Variants in ZDHHC5 observed in about 807,000 individuals in gnomAD.
ZDHHC5 encodes the protein zDHHC palmitoyltransferase 5, also known as palmitoyltransferase ZDHHC5.
In ZDHHC5, 22 loss-of-function variants were observed where a neutral mutation model predicts 70.0. That is an observed-to-expected ratio of 0.31 (90% CI 0.22 to 0.45). The LOEUF (loss-of-function observed/expected upper bound fraction) is 0.45. Among genes scored for constraint, ZDHHC5 ranks in the 20% least tolerant of loss-of-function variants. The pLI, the probability that ZDHHC5 is intolerant of heterozygous loss-of-function variation, is 1.00. For missense variants in ZDHHC5, 746 were observed against 926.9 expected (o/e 0.80, Z 2.53); for synonymous variants, 313 against 347.8 (o/e 0.90, Z 1.11).
rs1161031116 is a variant in ZDHHC5 at position 57,673,097 on chromosome 11, G to A, written c.7G>A (p.Ala3Thr). The A allele has an allele frequency of 9.9e-6, 16 of 1,613,738 alleles. No homozygotes were observed. Among genetic ancestry groups the A allele is most frequent in the African/African-American group, 1.3e-5 (1 of 75,016 alleles). MP[A>T]ESGKRFKPSK... is the part of the protein sequence containing the mutation. ...TTCCCATCAGAGCTCCAACATGCCC[G>A]CAGAGTCTGGAAAGAGATTCAAACC... Residue 3 changes from alanine to threonine, a missense_variant, in exon 2 of 12, where the codon GCA becomes ACA. Around this residue, in one of 6 missense-constraint regions of ZDHHC5, gnomAD observed 89 missense variants for 130.7 expected, o/e 0.68. Coordinates refer to ENST00000287169, the MANE Select transcript of ZDHHC5 (RefSeq NM_015457.3).
Position 57,672,387 on chromosome 11 carries a change from C to T in ZDHHC5, c.-704C>T. The stretch of plus-strand genomic sequence containing the variant: ...AGAACAGCTGTTGTCCAGCTTTAGC[C>T]ATCAAGAGAGAAATAAATTAAACCA... On this transcript the variant is annotated 5_prime_UTR_variant, in exon 2 of 12. Coordinates refer to ENST00000287169, the MANE Select transcript of ZDHHC5 (RefSeq NM_015457.3). 2.5e-6 allele frequency: 1 copy of T among 394,386 alleles called. No individual in the cohort carries two copies. The highest frequency in any genetic ancestry group is 2.1e-5 in the African/African-American group (1 of 48,666). The allele number at this position is 394,386 out of a possible 1,614,324, so 24.4% of individuals were successfully genotyped here.
intron 7 of ZDHHC5, among the ~76,000 whole-genome samples, chr11:57,693,230 C>T (rs1170738573): frequency 6.6e-6 from 1 of 152,130 alleles, no homozygotes; most frequent in African/African-American, 2.4e-5. Context: ...TTGCCTGAAC[C>T]CAGGAGGCAG....
chr11:57,688,834 G>A (rs1946245039), intron 4 of ZDHHC5, among the ~76,000 whole-genome samples, 169 bp downstream of exon 4: 1 of 152,242 alleles, frequency 6.6e-6, no homozygotes, highest in African/African-American at 2.4e-5. Flanking sequence ...GAGAGGCAGA[G>A]CATAAATATT....
chr11:57,681,756 C>G (rs1337729622), intron 2 of ZDHHC5: 1 of 152,146 alleles, frequency 6.6e-6, no homozygotes, highest in African/African-American at 2.4e-5. Flanking sequence ...GTCTGATAGT[C>G]TCTATCCTCC....
chr11:57,699,910 A>G lies in ZDHHC5; in HGVS notation c.2027A>G (p.Gln676Arg), dbSNP rs766828692. ...LKTTYSKSNG[Q>R]PKSLGSASPG... Reference sequence around the variant, plus strand: ...ACCACCTACAGCAAATCCAACGGGCAGCCCAAGAGCTTAGGCTCAGCCTCC... The same window carrying G: ...ACCACCTACAGCAAATCCAACGGGCGGCCCAAGAGCTTAGGCTCAGCCTCC... Residue 676 changes from glutamine (Q) to arginine (R), a missense_variant, in exon 12 of 12, where the codon CAG becomes CGG. Coordinates refer to ENST00000287169, the MANE Select transcript of ZDHHC5 (RefSeq NM_015457.3). 17 of 1,614,148 alleles carry G rather than the reference A, an allele frequency of 1.1e-5. 1 individual carries two copies. The African/African-American group carries it at 2.3e-4, about 22-fold the overall frequency.
At chr11:57,691,603 C>G (rs1015854979) in intron 6 of ZDHHC5, among the ~76,000 whole-genome samples, 1 of 152,138 alleles carries the variant, frequency 6.6e-6, no homozygotes, top group African/African-American at 2.4e-5. Context: ...CAAACTGAAA[C>G]TAGACAATAT....
At chr11:57,692,590 G>A (rs781139068) in intron 6 of ZDHHC5, 21 bp from the exon 7 acceptor site, 3 of 1,610,722 alleles carry the variant, frequency 1.9e-6, no homozygotes, top group South Asian at 2.2e-5. Context: ...TTCTAACCTG[G>A]TATTTTTTTT....
intron 1 of ZDHHC5, among the ~76,000 whole-genome samples, chr11:57,668,988 A>G (rs1945964552): frequency 6.6e-6 from 1 of 152,204 alleles, no homozygotes; most frequent in African/African-American, 2.4e-5. Context: ...TGGATTCTTC[A>G]CTTCCTGGTT....
intron 3 of ZDHHC5, 113 bp from the exon 4 acceptor site, chr11:57,688,395 C>T (rs1453532167): frequency 2.5e-6 from 3 of 1,220,628 alleles, no homozygotes; most frequent in African/African-American, 3.1e-5. Context: ...TAGTCTCACT[C>T]ATTAGACTGT....
At chr11:57,669,209 A>G (rs757377175) in intron 1 of ZDHHC5, among the ~76,000 whole-genome samples, 15 of 152,224 alleles carry the variant, frequency 9.9e-5, no homozygotes, top group South Asian at 6.2e-4. Context: ...CCATACCTTG[A>G]CATGTGAATT....
At chr11:57,684,267 G>A (rs528472152) in intron 3 of ZDHHC5, among the ~76,000 whole-genome samples, 3 of 152,236 alleles carry the variant, frequency 2.0e-5, no homozygotes, top group East Asian at 1.9e-4. Flanking sequence ...GAGCCACCGC[G>A]CCTGGCCCAA....
At chr11:57,676,909 A>ATTTTTTTTTTTTTT (rs72474322) in intron 2 of ZDHHC5, among the ~76,000 whole-genome samples, 1 of 80,982 alleles carries the variant, frequency 1.2e-5, no homozygotes, top group African/African-American at 5.2e-5. Flanking sequence ...GCTTCACGTG[A>ATTTTTTTTTTTTTT]TTTTTTTTTT....
chr11:57,687,573 GA>G (rs928730091), intron 3 of ZDHHC5, among the ~76,000 whole-genome samples: 15 of 147,694 alleles, frequency 1.0e-4, no homozygotes, highest in Non-Finnish European at 1.9e-4. Flanking sequence ...TCCGTCTCAA[GA>G]AAAAAAAAAT....
rs369629295 is a variant in ZDHHC5 at position 57,695,904 on chromosome 11, C to G, written c.886-16C>G. The G allele has an allele frequency of 3.1e-6, 5 of 1,608,314 alleles. No individual in the cohort carries two copies. The Admixed American group carries it at 6.9e-5, about 22-fold the overall frequency. On this transcript the variant is annotated splice_polypyrimidine_tract_variant and intron_variant, in intron 8 of 11. Coordinates refer to ENST00000287169, the MANE Select transcript of ZDHHC5 (RefSeq NM_015457.3). ...TCAATTTCTAAATCTGATTTTCCCT[C>G]CCTTCATCAATCCAGTCTAAGGGAA...
At chr11:57,695,875 A>G in intron 8 of ZDHHC5, 45 bp from the exon 9 acceptor site, 1 of 1,599,540 alleles carries the variant, frequency 6.3e-7, no homozygotes, top group South Asian at 1.1e-5. Flanking sequence ...AGTTGCCATA[A>G]TGCTCAATTT....
intron 10 of ZDHHC5, 68 bp from the exon 11 acceptor site, chr11:57,698,491 C>T: frequency 1.3e-6 from 2 of 1,521,672 alleles, no homozygotes; most frequent in Non-Finnish European, 1.8e-6. Context: ...TGACCAACTC[C>T]TTGAGCTCTG....
rs1030861577 is a variant in ZDHHC5, at chr11:57,700,147, G to A, written c.*116G>A. The A allele has an allele frequency of 9.1e-6, 12 of 1,315,508 alleles. No homozygotes were observed. The highest frequency in any genetic ancestry group is 9.0e-5 in the African/African-American group (6 of 66,814). The allele number at this position is 1,315,508 out of a possible 1,614,324, so 81.5% of individuals were successfully genotyped here. On this transcript the variant is annotated 3_prime_UTR_variant, in exon 12 of 12. Coordinates refer to ENST00000287169, the MANE Select transcript of ZDHHC5 (RefSeq NM_015457.3). The stretch of plus-strand genomic sequence containing the variant: ...GTGCATGGACATTTTTTAAACCACC[G>A]ATTCCAAGAGGATGAGGAGTGTTTT...
intron 6 of ZDHHC5, 107 bp from the exon 7 acceptor site, chr11:57,692,504 C>A: frequency 1.1e-6 from 1 of 872,848 alleles, no homozygotes; most frequent in Non-Finnish European, 1.8e-6. Flanking sequence ...TACTCATTTG[C>A]ATAGCCCTCA....
chr11:57,694,015 T>A (rs978399312), intron 8 of ZDHHC5, 100 bp downstream of exon 8: 6 of 1,417,536 alleles, frequency 4.2e-6, no homozygotes, highest in Non-Finnish European at 5.6e-6. Flanking sequence ...TTTTTTTTTT[T>A]TTTGAGACAG....
Sources: allele counts gnomAD v4.1 joint callset (sites outside exome capture counted in the v4.1 genomes callset), GRCh38; gene constraint gnomAD v4.1.1; regional missense constraint gnomAD v4.1.1; transcripts MANE v1.5; gene names NCBI Gene and HGNC (gene_info 2026-07-23, HGNC 2026-07-21).